ADAMTS2: variants seen among roughly 807,000 people sequenced by gnomAD.
ADAMTS2 encodes the protein ADAM metallopeptidase with thrombospondin type 1 motif 2, also known as A disintegrin and metalloproteinase with thrombospondin motifs 2.
A neutral mutation model predicts 123.0 loss-of-function variants in ADAMTS2; 50 were observed. The observed-to-expected ratio is 0.41, with a 90% CI of 0.32 to 0.51. ADAMTS2 has a LOEUF of 0.51. Among genes scored for constraint, ADAMTS2 ranks in the 20% least tolerant of loss-of-function variants. The pLI is 0.35. For synonymous variants in ADAMTS2, 678 were observed against 695.4 expected (o/e 0.98, Z 0.39); for missense variants, 1,494 against 1,705.2 (o/e 0.88, Z 2.18).
At position 179,115,584 on chromosome 5, in the gene ADAMTS2, A is replaced by G. The variant is rs1762643688; in HGVS notation, c.3179-1260T>C. The stretch of plus-strand genomic sequence containing the variant: ...TCACTCTCCTTAGTTGAACTCATCT[A>G]CTATTGAAAGGAAGGAAGGAGGGAG... On this transcript the variant is annotated intron_variant, in intron 21 of 21. Transcript: ENST00000251582. The surrounding 1 kb of genome is among the most constrained non-coding windows in gnomAD (Gnocchi z 4.4). Among the ~76,000 whole-genome samples, 1 of 151,896 alleles carries G rather than the reference A, an allele frequency of 6.6e-6. No homozygotes were observed. Among genetic ancestry groups the G allele is most frequent in the Non-Finnish European group, 1.5e-5 (1 of 67,986 alleles).
chr5:179,264,747 C>T (rs572902730), intron 3 of ADAMTS2, among the ~76,000 whole-genome samples: 6 of 152,270 alleles, frequency 3.9e-5, no homozygotes, highest in Middle Eastern at 3.4e-3. Context: ...CTGTGCCCTG[C>T]GTAATTCCAG....
chr5:179,315,249 A>AAAGCACTGAGGCCACAGTTGGCTTCTGGC, intron 2 of ADAMTS2, among the ~76,000 whole-genome samples: 1 of 152,034 alleles, frequency 6.6e-6, no homozygotes, highest in Admixed American at 6.5e-5. Context: ...TGGCTTCTGG[A>AAAGCACTGAGGCCACAGTTGGCTTCTGGC]AAGCACTGAG....
chr5:179,207,008 C>A (rs1370117170), intron 4 of ADAMTS2, among the ~76,000 whole-genome samples: 1 of 152,276 alleles, frequency 6.6e-6, no homozygotes, highest in Admixed American at 6.5e-5. Flanking sequence ...GGCCCTCGCT[C>A]TAATGCACGT....
rs1330588721 is a variant in ADAMTS2 at position 179,283,529 on chromosome 5, A to C, written c.535-10465T>G. ...ACTGAAGGCAGACCATATAGAAAAT[A>C]TGGTAGACTAGAAAAACAGCAAAAA... is the stretch of plus-strand genomic sequence containing the variant. On this transcript the variant is annotated intron_variant, in intron 2 of 21. Coordinates refer to ENST00000251582, the MANE Select transcript of ADAMTS2 (RefSeq NM_014244.5). Among the ~76,000 whole-genome samples, 4 of 107,490 alleles carry C rather than the reference A, an allele frequency of 3.7e-5. 1 individual carries two copies. Among genetic ancestry groups the C allele is most frequent in the South Asian group, 6.3e-4 (2 of 3,176 alleles). 70.5% of individuals were successfully genotyped at this position (107,490 alleles called of 152,430 possible).
intron 5 of ADAMTS2, among the ~76,000 whole-genome samples, chr5:179,161,478 C>G (rs1019055963): frequency 6.6e-6 from 1 of 152,146 alleles, no homozygotes; most frequent in Non-Finnish European, 1.5e-5. Context: ...CTCACTCATA[C>G]GTGGAAGCTA....
rs1370091155 is a variant in ADAMTS2, at chr5:179,129,818, G to A, written c.2457+114C>T. On this transcript the variant is annotated intron_variant, in intron 16 of 21. Coordinates refer to ENST00000251582, the MANE Select transcript of ADAMTS2 (RefSeq NM_014244.5). This position sits in a 1 kb window ranked among gnomAD's most constrained non-coding sequence, Gnocchi z 4.1. ...CCTTGGTGCCAAAGGCAGGCCAAAG[G>A]GGCCACGCAGAGTGTCACCTGAAGG... 7.0e-7 allele frequency: 1 copy of A among 1,421,142 alleles called. No homozygotes were observed. The highest frequency in any genetic ancestry group is 9.6e-7 in the Non-Finnish European group (1 of 1,038,478). 88.0% of individuals were successfully genotyped at this position (1,421,142 alleles called of 1,614,324 possible).
intron 2 of ADAMTS2, among the ~76,000 whole-genome samples, chr5:179,319,207 A>G (rs1314633566): frequency 6.6e-6 from 1 of 152,198 alleles, no homozygotes; most frequent in Non-Finnish European, 1.5e-5. Context: ...GCACACACAC[A>G]TCACTCATAT....
In ADAMTS2 at chr5:179,137,942, G is replaced by A. The variant is rs373020640; in HGVS notation, c.1778C>T (p.Pro593Leu). The A allele has an allele frequency of 1.0e-5, 16 of 1,545,484 alleles. No homozygotes were observed. The highest frequency in any genetic ancestry group is 3.6e-5 in the South Asian group (3 of 84,096). Residue 593 changes from proline (P) to leucine (L), a missense_variant and splice_region_variant, in exon 12 of 22, where the codon CCG becomes CTG. Physicochemically the swap from Pro to Leu is moderately conservative, Grantham distance 98. This residue lies in a region of ADAMTS2 where 953 missense variants were observed against 1,124.7 expected (regional missense o/e 0.85). Coordinates refer to ENST00000251582, the MANE Select transcript of ADAMTS2 (RefSeq NM_014244.5). ...CGAGCAGGTGCGGCCCCCGTTGGCC[G>A]GGCTGGAGGAGAAAGCAAAGGCCTT... ...FRTRQCDNPHPANGGRTCSGL... is the reference protein window; with the variant it reads ...FRTRQCDNPHLANGGRTCSGL...
intron 3 of ADAMTS2, among the ~76,000 whole-genome samples, chr5:179,268,016 G>C (rs1423870712): frequency 6.6e-6 from 1 of 152,230 alleles, no homozygotes. Context: ...CGCCGTGGCT[G>C]GATTCCTGGA....
At chr5:179,227,140 C>T (rs1238246346) in intron 3 of ADAMTS2, among the ~76,000 whole-genome samples, 1 of 152,122 alleles carries the variant, frequency 6.6e-6, no homozygotes, top group African/African-American at 2.4e-5. Context: ...TATATATATA[C>T]TTGTGTGTGC....
chr5:179,165,770 G>T (rs1196373564), intron 5 of ADAMTS2, among the ~76,000 whole-genome samples: 2 of 152,142 alleles, frequency 1.3e-5, no homozygotes, highest in Non-Finnish European at 2.9e-5. Context: ...TCTTCACAGC[G>T]GCAGCAGCTC....
Position 179,112,132 on chromosome 5 carries a change from A to G in ADAMTS2, c.*1735T>C, listed in dbSNP as rs1320652591. 6.6e-6 allele frequency: 1 copy of G among 152,244 alleles called. No homozygotes were observed. Among genetic ancestry groups the G allele is most frequent in the African/African-American group, 2.4e-5 (1 of 41,458 alleles). 9.4% of individuals were successfully genotyped at this position (152,244 alleles called of 1,614,324 possible). On this transcript the variant is annotated 3_prime_UTR_variant, in exon 22 of 22. Transcript: ENST00000251582. ...CACATGTGCAGCCTCAGACAAACATACTTATTAGCACCTCAAAACTCAGTA... is the reference window on the plus strand; with the variant it reads ...CACATGTGCAGCCTCAGACAAACATGCTTATTAGCACCTCAAAACTCAGTA...
rs1766061859 is a variant in ADAMTS2 at position 179,256,641 on chromosome 5, T to C, written c.688+16270A>G. ...ACCAGGCAGGCGGGGCCAGCATGAG[T>C]GGGGGGGCCAGGCACGAATCGGCAG... On this transcript the variant is annotated intron_variant, in intron 3 of 21. Coordinates refer to ENST00000251582, the MANE Select transcript of ADAMTS2 (RefSeq NM_014244.5). This position sits in a 1 kb window ranked among gnomAD's most constrained non-coding sequence, Gnocchi z 4.1. Among the ~76,000 whole-genome samples, 1 of 150,896 alleles carries C rather than the reference T, an allele frequency of 6.6e-6. No homozygotes were observed. The highest frequency in any genetic ancestry group is 2.1e-4 in the South Asian group (1 of 4,752).
Position 179,181,533 on chromosome 5 carries a change from G to C in ADAMTS2, c.892-378C>G, listed in dbSNP as rs893800337. 6.6e-6 allele frequency among the ~76,000 whole-genome samples: 1 copy of C among 152,134 alleles called. No individual in the cohort carries two copies. The highest frequency in any genetic ancestry group is 2.4e-5 in the African/African-American group (1 of 41,440). On this transcript the variant is annotated intron_variant, in intron 4 of 21. Transcript: ENST00000251582. This position sits in a 1 kb window ranked among gnomAD's most constrained non-coding sequence, Gnocchi z 4.1. ...GTGATGGACCCCCGCGGCACAGGCAGGGCTGGGACCGGCCCTGGCAGAAGT... is the reference window on the plus strand; with the variant it reads ...GTGATGGACCCCCGCGGCACAGGCACGGCTGGGACCGGCCCTGGCAGAAGT...
chr5:179,158,907 A>G lies in ADAMTS2; in HGVS notation c.976-28T>C, dbSNP rs1251270447. 1.2e-6 allele frequency: 2 copies of G among 1,612,408 alleles called. No homozygotes were observed. The highest frequency in any genetic ancestry group is 2.2e-5 in the South Asian group (2 of 90,946). ...GCAGGGGGATGGAGAGAAATGGAAG[A>G]GAGAGGTTGGCGCCTGGTGGCCCAG... On this transcript the variant is annotated intron_variant, in intron 5 of 21. Transcript: ENST00000251582. The surrounding 1 kb of genome is among the most constrained non-coding windows in gnomAD (Gnocchi z 5.0).
At chr5:179,319,260 CAT>C (rs1206901729) in intron 2 of ADAMTS2, among the ~76,000 whole-genome samples, 2 of 152,208 alleles carry the variant, frequency 1.3e-5, no homozygotes, top group Non-Finnish European at 2.9e-5. Flanking sequence ...CATGTCCACA[CAT>C]GTGCACTACA....
intron 2 of ADAMTS2, among the ~76,000 whole-genome samples, chr5:179,294,973 T>G (rs900502861): frequency 3.3e-5 from 5 of 152,192 alleles, no homozygotes; most frequent in African/African-American, 1.2e-4. Context: ...TCTCAACTAC[T>G]GCCTCTAGGC....
chr5:179,170,296 T>G lies in ADAMTS2; in HGVS notation c.975+10776A>C, dbSNP rs1394725205. ...AGCGGCAGGTGGGGAGCTGGTCTAT[T>G]TCTGTCACAATTTGGGATGAATAAC... is the stretch of plus-strand genomic sequence containing the variant. On this transcript the variant is annotated intron_variant, in intron 5 of 21. Transcript: ENST00000251582. This position sits in a 1 kb window ranked among gnomAD's most constrained non-coding sequence, Gnocchi z 4.3. Among the ~76,000 whole-genome samples the G allele has an allele frequency of 1.3e-5, 2 of 151,878 alleles. No individual in the cohort carries two copies. Among genetic ancestry groups the G allele is most frequent in the Non-Finnish European group, 2.9e-5 (2 of 68,002 alleles).
intron 3 of ADAMTS2, among the ~76,000 whole-genome samples, chr5:179,232,388 G>T: frequency 6.6e-6 from 1 of 152,216 alleles, no homozygotes; most frequent in East Asian, 1.9e-4. Flanking sequence ...CTTCGCAGCA[G>T]CTGTGTGAGT....
Sources: gnomAD v4.1 joint callset for allele counts (sites outside exome capture counted in the v4.1 genomes callset) on GRCh38, gnomAD v4.1.1 for gene constraint, gnomAD v4.1.1 regional missense constraint, Gnocchi (gnomAD v3.1) non-coding constraint, MANE v1.5 for transcripts, NCBI Gene and HGNC (gene_info 2026-07-23, HGNC 2026-07-21) for gene names.